Variants in OR10H3 observed in about 807,000 individuals in gnomAD.
The protein encoded by OR10H3 is olfactory receptor 10H3.
OR10H3 carries 15 observed loss-of-function variants against 11.1 expected under a neutral mutation model. The observed-to-expected ratio is 1.36, with a 90% CI of 0.91 to 2.09. OR10H3 has a LOEUF of 2.09. Ranked by LOEUF, OR10H3 falls within the 30% of genes most tolerant of loss-of-function variation. The pLI is 0.00. For synonymous variants in OR10H3, 149 were observed against 142.1 expected (o/e 1.05, Z -0.35); for missense variants, 403 against 391.5 (o/e 1.03, Z -0.25).
chr19:15,740,000 A>G (rs1172656951), intron 1 of OR10H3, among the ~76,000 whole-genome samples: 1 of 151,682 alleles, frequency 6.6e-6, no homozygotes, highest in Admixed American at 6.6e-5. Flanking sequence ...CATGTGTATA[A>G]TCCCACCACT....
At position 15,741,970 on chromosome 19, in the gene OR10H3, A is replaced by T. The variant is rs2008706883; in HGVS notation, c.578A>T (p.Lys193Met). ...CTCTTGAAGTTGGCCTGTGGGAGCAAGACATCATCTGTCATCATGGGTGTG... is the reference window on the plus strand; with the variant it reads ...CTCTTGAAGTTGGCCTGTGGGAGCATGACATCATCTGTCATCATGGGTGTG... ...LSLLKLACGS[K>M]TSSVIMGVML... Residue 193 changes from lysine to methionine, a missense_variant, in exon 2 of 2, where the codon AAG becomes ATG. Coordinates refer to ENST00000641646, the MANE Select transcript of OR10H3 (RefSeq NM_013938.2). 6.2e-7 allele frequency: 1 copy of T among 1,614,136 alleles called. No homozygotes were observed. Among genetic ancestry groups the T allele is most frequent in the African/African-American group, 1.3e-5 (1 of 75,008 alleles).
chr19:15,741,229 A>T (rs147131595), intron 1 of OR10H3, among the ~76,000 whole-genome samples, 153 bp from the exon 2 acceptor site: 52 of 152,304 alleles, frequency 3.4e-4, no homozygotes, highest in African/African-American at 1.2e-3. Context: ...GTTAAGAACT[A>T]TTATTATTTA....
chr19:15,738,939 AT>A (rs1333182100), intron 1 of OR10H3, among the ~76,000 whole-genome samples: 3 of 150,986 alleles, frequency 2.0e-5, no homozygotes, highest in Admixed American at 6.6e-5. Flanking sequence ...ATTATGCATG[AT>A]TTTTTTCTTG....
At chr19:15,738,862 G>T (rs1164336472) in intron 1 of OR10H3, among the ~76,000 whole-genome samples, 1 of 151,358 alleles carries the variant, frequency 6.6e-6, no homozygotes. Flanking sequence ...GTAATTTTGG[G>T]TTCTGTTATT....
At chr19:15,739,323 C>T (rs957233268) in intron 1 of OR10H3, among the ~76,000 whole-genome samples, 2 of 151,998 alleles carry the variant, frequency 1.3e-5, no homozygotes, top group South Asian at 4.2e-4. Context: ...TAGCTAATGT[C>T]TGGATATTAT....
intron 1 of OR10H3, among the ~76,000 whole-genome samples, chr19:15,739,532 A>G (rs2008674646): frequency 6.6e-6 from 1 of 152,044 alleles, no homozygotes; most frequent in Non-Finnish European, 1.5e-5. Context: ...CTCTACTAAA[A>G]ATACAAAAAT....
intron 1 of OR10H3, among the ~76,000 whole-genome samples, chr19:15,739,526 A>G (rs1441323299): frequency 6.6e-6 from 1 of 152,078 alleles, no homozygotes; most frequent in Non-Finnish European, 1.5e-5. Flanking sequence ...CCCTGCCTCT[A>G]CTAAAAATAC....
intron 1 of OR10H3, among the ~76,000 whole-genome samples, chr19:15,740,390 C>A (rs971577862): frequency 6.6e-6 from 1 of 152,200 alleles, no homozygotes; most frequent in African/African-American, 2.4e-5. Context: ...GATCAAGATT[C>A]AACTAGTCCC....
rs545212836 is a variant in OR10H3 at position 15,740,226 on chromosome 19, C to T, written c.-11-1156C>T. Among the ~76,000 whole-genome samples, 123 of 152,276 alleles carry T rather than the reference C, an allele frequency of 8.1e-4. 1 individual carries two copies. Among genetic ancestry groups the T allele is most frequent in the African/African-American group, 2.8e-3 (118 of 41,558 alleles). On this transcript the variant is annotated intron_variant, in intron 1 of 1. Coordinates refer to ENST00000641646, the MANE Select transcript of OR10H3 (RefSeq NM_013938.2). ...GCAGTGAGTCATGATCCTACTACTG[C>T]ACTGTAACCTAGGGGGCAGAGTGAG...
At position 15,741,348 on chromosome 19, in the gene OR10H3, C is replaced by G. The variant is rs375885602; in HGVS notation, c.-11-34C>G. 1.8e-4 allele frequency: 255 copies of G among 1,387,936 alleles called. 1 individual carries two copies. The highest frequency in any genetic ancestry group is 2.4e-4 in the Non-Finnish European group (237 of 984,464). 86.0% of individuals were successfully genotyped at this position (1,387,936 alleles called of 1,614,324 possible). A position where few individuals can be genotyped will look rare whatever the true frequency, so the allele number is the denominator to read the frequency against. On this transcript the variant is annotated intron_variant, in intron 1 of 1. Transcript: ENST00000641646. ...TCTGTGCTAGAGTCTAAGTTTTAAC[C>G]ACTGTCACTTAATTTTGTTTCTGAT...
chr19:15,742,025 C>G lies in OR10H3; in HGVS notation c.633C>G (p.Gly211=), dbSNP rs767650053. ...VMLVCVTALI[G]CLFLIILSFV... Reference sequence around the variant, plus strand: ...TGGTGTGTGTCACAGCCCTGATAGGCTGTTTGTTCCTCATCATCCTCTCCT... The same window carrying G: ...TGGTGTGTGTCACAGCCCTGATAGGGTGTTTGTTCCTCATCATCCTCTCCT... Residue 211 remains glycine, a synonymous_variant, in exon 2 of 2, where the codon GGC becomes GGG. Transcript: ENST00000641646. 6.2e-7 allele frequency: 1 copy of G among 1,614,074 alleles called. No homozygotes were observed. Among genetic ancestry groups the G allele is most frequent in the African/African-American group, 1.3e-5 (1 of 74,912 alleles).
chr19:15,738,686 T>C (rs1291902582), intron 1 of OR10H3, among the ~76,000 whole-genome samples: 1 of 152,168 alleles, frequency 6.6e-6, no homozygotes, highest in Non-Finnish European at 1.5e-5. Flanking sequence ...TCAATTTCTT[T>C]AAAGCTTATT....
intron 1 of OR10H3, among the ~76,000 whole-genome samples, chr19:15,740,633 A>G (rs1008189731): frequency 6.6e-6 from 1 of 152,160 alleles, no homozygotes; most frequent in Non-Finnish European, 1.5e-5. Context: ...TTATCCCATT[A>G]CTTAGTGAAA....
chr19:15,742,185 A>G lies in OR10H3; in HGVS notation c.793A>G (p.Lys265Glu). The change falls in exon 2 of 2, where the codon AAG (lysine) becomes GAG (glutamate). Residue 265 changes from lysine to glutamate, a missense_variant. By Grantham distance (56) the Lys-to-Glu change is moderately conservative. Coordinates refer to ENST00000641646, the MANE Select transcript of OR10H3 (RefSeq NM_013938.2). ...TGCCTCCCTTATCTACCTCAAACCC[A>G]AGGGCCTCCATTCTATGTACAGTGA... ...SFASLIYLKPKGLHSMYSDAL... is the reference protein window; with the variant it reads ...SFASLIYLKPEGLHSMYSDAL... The G allele has an allele frequency of 6.2e-7, 1 of 1,614,044 alleles. No individual in the cohort carries two copies.
In OR10H3 at chr19:15,741,719, C is replaced by T. The variant is rs1449866005; in HGVS notation, c.327C>T (p.Gly109=). 17 of 1,614,022 alleles carry T rather than the reference C, an allele frequency of 1.1e-5. No individual in the cohort carries two copies. The highest frequency in any genetic ancestry group is 1.4e-5 in the Non-Finnish European group (16 of 1,180,046). ...AGATGTTCTTCTCCTTCATGTTTGG[C>T]TTCACTCACTCCTTCCTTCTCATGG... ...AIQMFFSFMF[G]FTHSFLLMVM... Residue 109 remains glycine, a synonymous_variant, in exon 2 of 2, where the codon GGC becomes GGT. Coordinates refer to ENST00000641646, the MANE Select transcript of OR10H3 (RefSeq NM_013938.2).
Sources: allele counts gnomAD v4.1 joint callset (sites outside exome capture counted in the v4.1 genomes callset), GRCh38; gene constraint gnomAD v4.1.1; transcripts MANE v1.5; gene names NCBI Gene and HGNC (gene_info 2026-07-23, HGNC 2026-07-21).